CLIC5: variants seen among roughly 807,000 people sequenced by gnomAD.
CLIC5 encodes the protein CLIC family member 5, also known as chloride intracellular channel protein 5.
A neutral mutation model predicts 24.7 loss-of-function variants in CLIC5; 20 were observed. That is an observed-to-expected ratio of 0.81 (90% CI 0.57 to 1.18). CLIC5 has a LOEUF of 1.18. CLIC5 is among the 50% of genes most tolerant of loss of function. The probability of loss-of-function intolerance (pLI) is 0.00; values close to 1 mark genes in which losing one functional copy is unlikely to be tolerated. For synonymous variants in CLIC5, 159 were observed against 135.6 expected (o/e 1.17, Z -1.20); for missense variants, 341 against 326.1 (o/e 1.05, Z -0.35).
chr6:46,055,545 C>A (rs1768224921), intron 1 of CLIC5, among the ~76,000 whole-genome samples: 1 of 152,232 alleles, frequency 6.6e-6, no homozygotes, highest in Admixed American at 6.5e-5. Flanking sequence ...GCCATCAGTA[C>A]TTTTCTTTTG....
chr6:45,941,611 C>G lies in CLIC5; in HGVS notation c.342G>C (p.Ala114=), dbSNP rs149700111. 15 of 1,613,858 alleles carry G rather than the reference C, an allele frequency of 9.3e-6. No individual in the cohort carries two copies. The highest frequency in any genetic ancestry group is 9.3e-6 in the Non-Finnish European group (11 of 1,179,932). The change falls in exon 4 of 6, where the codon GCG becomes GCC. Residue 114 remains alanine, a synonymous_variant. Transcript: ENST00000339561. ...LAAKHRESNT[A]GIDIFSKFSA... Reference sequence around the variant, plus strand: ...AAAACTTGGAAAAGATGTCGATGCCCGCTGTGTTGGATTCCCGGTGTTTTG... The same window carrying G: ...AAAACTTGGAAAAGATGTCGATGCCGGCTGTGTTGGATTCCCGGTGTTTTG...
At chr6:46,094,236 C>T in the CLIC5 span, among the ~76,000 whole-genome samples, 3 of 152,140 alleles carry the variant, frequency 2.0e-5, no homozygotes, top group Non-Finnish European at 4.4e-5. Flanking sequence ...GACACAGATC[C>T]AAACCATATA....
chr6:45,895,018 A>T (rs1020782371), downstream of CLIC5, among the ~76,000 whole-genome samples: 30 of 151,150 alleles, frequency 2.0e-4, no homozygotes, highest in Admixed American at 5.3e-4. Flanking sequence ...TCTTTTTGTT[A>T]AAAAAAAAGT....
chr6:46,054,335 A>G (rs1768187718), intron 1 of CLIC5, among the ~76,000 whole-genome samples: 1 of 152,124 alleles, frequency 6.6e-6, no homozygotes, highest in Admixed American at 6.5e-5. Flanking sequence ...CTGACCTTGC[A>G]AAGTCCCTGT....
At chr6:46,049,091 G>A (rs1328583038) in intron 1 of CLIC5, among the ~76,000 whole-genome samples, 1 of 152,140 alleles carries the variant, frequency 6.6e-6, no homozygotes, top group African/African-American at 2.4e-5. Flanking sequence ...GGAAAGATAG[G>A]GGACTGATTA....
chr6:46,035,270 A>G (rs1181667332), intron 1 of CLIC5, among the ~76,000 whole-genome samples: 2 of 152,204 alleles, frequency 1.3e-5, no homozygotes, highest in Non-Finnish European at 1.5e-5. Context: ...AGAAGTTTTC[A>G]AGCCACTGAG....
At chr6:45,938,351 C>A (rs78872914) in intron 4 of CLIC5, among the ~76,000 whole-genome samples, 2,043 of 152,206 alleles carry the variant, frequency 0.013, 33 homozygotes, top group African/African-American at 0.046. Context: ...CTTGCTAAGC[C>A]TAAGAATTTT....
At chr6:45,976,576 T>G (rs1765391138) in intron 1 of CLIC5, among the ~76,000 whole-genome samples, 1 of 152,216 alleles carries the variant, frequency 6.6e-6, no homozygotes, top group Admixed American at 6.5e-5. Context: ...TTTTTGCCAT[T>G]ACTTTTAATG....
intron 1 of CLIC5, among the ~76,000 whole-genome samples, chr6:46,060,306 T>A (rs1056106801): frequency 3.3e-5 from 5 of 152,268 alleles, no homozygotes; most frequent in African/African-American, 9.6e-5. Flanking sequence ...TATTAAAAAT[T>A]TTTTTAATTA....
intron 1 of CLIC5, among the ~76,000 whole-genome samples, chr6:46,073,823 G>A (rs540111027): frequency 6.6e-6 from 1 of 152,316 alleles, no homozygotes; most frequent in South Asian, 2.1e-4. Flanking sequence ...CCCACTGCCT[G>A]GGACGTCCTT....
rs1024747480 is a variant in CLIC5, at chr6:45,958,105, T to G, written c.64-2861A>C. On this transcript the variant is annotated intron_variant, in intron 1 of 5. Transcript: ENST00000339561. ...AATCAACTTGAAGATGAGGTCATAT[T>G]GGATTAGAATGGGCTCTAAACATGA... 5.0e-4 allele frequency among the ~76,000 whole-genome samples: 76 copies of G among 152,038 alleles called. 6 individuals carry two copies.
intron 1 of CLIC5, among the ~76,000 whole-genome samples, chr6:46,032,981 ATTTTTTTTTTTTTT>A (rs35845581): frequency 1.3e-5 from 1 of 79,008 alleles, no homozygotes; most frequent in South Asian, 4.8e-4. Context: ...GGAAATCTAC[ATTTTTTTTTTTTTT>A]TTTTTTTTTT....
the CLIC5 span, among the ~76,000 whole-genome samples, chr6:46,127,920 TATA>T: frequency 1.3e-5 from 2 of 152,202 alleles, no homozygotes; most frequent in Non-Finnish European, 2.9e-5. Context: ...TGCTGGTAGT[TATA>T]TTTACCACTA....
the CLIC5 span, among the ~76,000 whole-genome samples, chr6:46,103,440 T>C: frequency 1.3e-5 from 2 of 152,180 alleles, no homozygotes; most frequent in Non-Finnish European, 2.9e-5. Flanking sequence ...GTCTGAGGCC[T>C]TTCCTTGTCT....
chr6:46,019,148 G>A (rs1361902323), upstream of CLIC5, among the ~76,000 whole-genome samples: 2 of 149,608 alleles, frequency 1.3e-5, no homozygotes, highest in African/African-American at 4.9e-5. Flanking sequence ...AATCTAAAAG[G>A]CAGAAAAGAG....
At chr6:45,885,611 A>T (rs927113425) in intron 6 of CLIC5, among the ~76,000 whole-genome samples, 2 of 152,206 alleles carry the variant, frequency 1.3e-5, no homozygotes, top group African/African-American at 4.8e-5. Flanking sequence ...TGACAGAGAA[A>T]AGATGGAAAG....
chr6:45,979,616 C>A (rs1169999852), intron 1 of CLIC5, among the ~76,000 whole-genome samples: 1 of 151,554 alleles, frequency 6.6e-6, no homozygotes, highest in Non-Finnish European at 1.5e-5. Flanking sequence ...CCTTGAATCA[C>A]ATTTTAATGC....
chr6:46,126,511 TA>T, the CLIC5 span, among the ~76,000 whole-genome samples: 2 of 152,196 alleles, frequency 1.3e-5, no homozygotes, highest in Non-Finnish European at 2.9e-5. Flanking sequence ...AAGGAGCACT[TA>T]AAAATATTTT....
chr6:45,996,081 T>C (rs554554159), intron 1 of CLIC5, among the ~76,000 whole-genome samples: 1 of 149,908 alleles, frequency 6.7e-6, no homozygotes, highest in South Asian at 2.1e-4. Context: ...TGTTTACCTA[T>C]GTAACAAACC....
Sources: allele counts gnomAD v4.1 joint callset (sites outside exome capture counted in the v4.1 genomes callset), GRCh38; gene constraint gnomAD v4.1.1; transcripts MANE v1.5; gene names NCBI Gene and HGNC (gene_info 2026-07-23, HGNC 2026-07-21).